PIBF1: variants seen among roughly 807,000 people sequenced by gnomAD.
The protein encoded by PIBF1 is progesterone-induced-blocking factor 1.
In PIBF1, 90 loss-of-function variants were observed where a neutral mutation model predicts 112.5. That is an observed-to-expected ratio of 0.80 (90% CI 0.67 to 0.95). The LOEUF is 0.95. Among genes scored for constraint, PIBF1 ranks in the 40% least tolerant of loss-of-function variants. The pLI, the probability that PIBF1 is intolerant of heterozygous loss-of-function variation, is 0.00. For synonymous variants in PIBF1, 301 were observed against 288.6 expected (o/e 1.04, Z -0.44); for missense variants, 915 against 852.3 (o/e 1.07, Z -0.92).
chr13:72,863,036 A>G (rs904222587), intron 10 of PIBF1, among the ~76,000 whole-genome samples: 1 of 152,008 alleles, frequency 6.6e-6, no homozygotes, highest in African/African-American at 2.4e-5. Flanking sequence ...TTGTACATAT[A>G]TAATGTTCTC....
intron 9 of PIBF1, among the ~76,000 whole-genome samples, chr13:72,847,481 C>T (rs2138279858): frequency 6.6e-6 from 1 of 152,282 alleles, no homozygotes; most frequent in South Asian, 2.1e-4. Flanking sequence ...CCAAACTCAC[C>T]CTTTTATAAT....
chr13:72,850,446 C>T (rs929142277), intron 9 of PIBF1, among the ~76,000 whole-genome samples: 3 of 152,348 alleles, frequency 2.0e-5, no homozygotes, highest in East Asian at 3.9e-4. Context: ...GCTAATCATA[C>T]CTCCTTTCAC....
intron 16 of PIBF1, among the ~76,000 whole-genome samples, chr13:72,980,369 A>G (rs1238245805): frequency 6.6e-6 from 1 of 152,226 alleles, no homozygotes; most frequent in Non-Finnish European, 1.5e-5. Flanking sequence ...ATCAGTGACG[A>G]GCATCAGGAA....
chr13:72,858,272 G>A (rs560736454), intron 10 of PIBF1, among the ~76,000 whole-genome samples: 30 of 152,216 alleles, frequency 2.0e-4, no homozygotes, highest in African/African-American at 7.2e-4. Flanking sequence ...GTCTGGTCTC[G>A]AATTCGTGAC....
chr13:72,865,224 G>T (rs2038873880), intron 10 of PIBF1, among the ~76,000 whole-genome samples: 1 of 151,972 alleles, frequency 6.6e-6, no homozygotes, highest in South Asian at 2.1e-4. Context: ...CTTTTACTAT[G>T]CCTAGCATTG....
At chr13:72,835,394 G>A in intron 9 of PIBF1, 26 bp downstream of exon 9, 1 of 1,498,976 alleles carries the variant, frequency 6.7e-7, no homozygotes, top group East Asian at 2.4e-5. Context: ...TGCTTGTATG[G>A]TATTTTATTT....
intron 2 of PIBF1, among the ~76,000 whole-genome samples, chr13:72,790,189 C>T (rs1358063184): frequency 6.6e-6 from 1 of 151,996 alleles, no homozygotes; most frequent in Non-Finnish European, 1.5e-5. Context: ...AGTTACATGT[C>T]CTGATTTCTG....
intron 2 of PIBF1, among the ~76,000 whole-genome samples, chr13:72,784,927 C>G (rs1318685044): frequency 2.0e-5 from 3 of 151,992 alleles, no homozygotes; most frequent in Non-Finnish European, 2.9e-5. Context: ...GGCTGGAGTT[C>G]AGTGGCACAA....
At chr13:72,936,193 C>G (rs905764797) in intron 14 of PIBF1, among the ~76,000 whole-genome samples, 2 of 151,744 alleles carry the variant, frequency 1.3e-5, no homozygotes, top group Non-Finnish European at 2.9e-5. Flanking sequence ...TGCAACCACA[C>G]CTGGCTAATT....
chr13:72,892,384 C>T (rs1218097799), intron 10 of PIBF1, among the ~76,000 whole-genome samples: 1 of 151,862 alleles, frequency 6.6e-6, no homozygotes, highest in African/African-American at 2.4e-5. Context: ...TTGAAGTAGC[C>T]CATGGTGTAT....
intron 17 of PIBF1, among the ~76,000 whole-genome samples, chr13:73,013,731 C>CA (rs113104076): frequency 0.086 from 9,608 of 112,002 alleles, 500 homozygotes; most frequent in Non-Finnish European, 0.13. Flanking sequence ...GAGCCTATCT[C>CA]AAAAAAAAAA....
At chr13:72,960,006 ATAAAT>A (rs1270382806) in intron 14 of PIBF1, among the ~76,000 whole-genome samples, 1 of 152,224 alleles carries the variant, frequency 6.6e-6, no homozygotes, top group Non-Finnish European at 1.5e-5. Flanking sequence ...TTAAATTCTA[ATAAAT>A]TATGTTTATT....
intron 16 of PIBF1, among the ~76,000 whole-genome samples, chr13:72,996,416 G>A (rs930071352): frequency 1.3e-5 from 2 of 152,032 alleles, no homozygotes; most frequent in African/African-American, 4.8e-5. Context: ...AACTAGATTA[G>A]GCAGCCTAAG....
chr13:72,873,788 C>T (rs1263757870), intron 10 of PIBF1, among the ~76,000 whole-genome samples: 1 of 151,686 alleles, frequency 6.6e-6, no homozygotes. Context: ...AAAAAAATTG[C>T]TCTTCTGTTA....
In PIBF1 at chr13:72,833,526, G is replaced by A. The variant is rs2037215124; in HGVS notation, c.1098-1717G>A. On this transcript the variant is annotated intron_variant, in intron 8 of 17. Transcript: ENST00000326291. ...GCCCCTTTGCTGCTGGCCTGCTGGA[G>A]TTTGCTGGAGGTCCCCTCCCGACCC... is the stretch of plus-strand genomic sequence containing the variant. Among the ~76,000 whole-genome samples, 3 of 152,296 alleles carry A rather than the reference G, an allele frequency of 2.0e-5. No homozygotes were observed. The South Asian group carries it at 6.2e-4, about 32-fold the overall frequency.
chr13:72,908,646 AAG>A lies in PIBF1; in HGVS notation c.1607_1608del (p.Glu536AlafsTer2). 6.2e-7 allele frequency: 1 copy of A among 1,613,538 alleles called. No individual in the cohort carries two copies. The highest frequency in any genetic ancestry group is 8.5e-7 in the Non-Finnish European group (1 of 1,179,648). The stretch of plus-strand genomic sequence containing the variant: ...CTAGACATTTATGAGAAACTGGAAA[AAG>A]AGCTTGATGAAATAATAATGCAAAC... On this transcript the variant is annotated frameshift_variant, in exon 12 of 18. Transcript: ENST00000326291. LOFTEE classifies it high-confidence loss of function.
rs374251860 is a variant in PIBF1, at chr13:73,013,166, T to C, written c.2224-2703T>C. On this transcript the variant is annotated intron_variant, in intron 17 of 17. Coordinates refer to ENST00000326291, the MANE Select transcript of PIBF1 (RefSeq NM_006346.4). ...AATACAAAAAATTAGCCGGGCGTGG[T>C]GGCGGGCACCTGTAGTCCCAGCTAC... is the stretch of plus-strand genomic sequence containing the variant. Among the ~76,000 whole-genome samples the C allele has an allele frequency of 7.9e-3, 1,189 of 151,244 alleles. 10 individuals are homozygous for C. The highest frequency in any genetic ancestry group is 0.028 in the African/African-American group (1,147 of 41,262).
At chr13:72,841,738 T>C (rs2037620348) in intron 9 of PIBF1, among the ~76,000 whole-genome samples, 1 of 151,952 alleles carries the variant, frequency 6.6e-6, no homozygotes, top group East Asian at 1.9e-4. Context: ...CCATTTGCAC[T>C]CCACCCTGGG....
Position 72,827,784 on chromosome 13 carries a change from C to G in PIBF1, c.967C>G (p.Leu323Val), listed in dbSNP as rs2138160648. 1 of 1,601,722 alleles carries G rather than the reference C, an allele frequency of 6.2e-7. No homozygotes were observed. Among genetic ancestry groups the G allele is most frequent in the East Asian group, 2.3e-5 (1 of 44,378 alleles). ...VTLLQKDKEY[L>V]NRQNMELSVR... ...TTTACTGCAAAAGGATAAAGAATAT[C>G]TTAATCGCCAAAACATGGAGCTTAG... The change falls in exon 8 of 18, where the codon CTT becomes GTT. Residue 323 changes from leucine (L) to valine (V), a missense_variant. Coordinates refer to ENST00000326291, the MANE Select transcript of PIBF1 (RefSeq NM_006346.4).
Sources: allele counts gnomAD v4.1 joint callset (sites outside exome capture counted in the v4.1 genomes callset), GRCh38; gene constraint gnomAD v4.1.1; transcripts MANE v1.5; gene names NCBI Gene and HGNC (gene_info 2026-07-23, HGNC 2026-07-21).